The following PACRG variants were observed in gnomAD, a reference collection of about 807,000 sequenced individuals.
The protein encoded by PACRG is parkin coregulated.
A neutral mutation model predicts 29.7 loss-of-function variants in PACRG; 29 were observed. That is an observed-to-expected ratio of 0.98 (90% CI 0.73 to 1.33). The LOEUF (loss-of-function observed/expected upper bound fraction) is 1.33. Ranked by LOEUF, PACRG falls within the 40% of genes most tolerant of loss-of-function variation. PACRG has a pLI of 0.00. For missense variants in PACRG, 279 were observed against 316.2 expected (o/e 0.88, Z 0.89); for synonymous variants, 116 against 118.7 (o/e 0.98, Z 0.15).
chr6:162,890,865 T>C (rs1794702969), intron 2 of PACRG, among the ~76,000 whole-genome samples: 1 of 152,112 alleles, frequency 6.6e-6, no homozygotes, highest in African/African-American at 2.4e-5. Context: ...GAGCTTCAAG[T>C]CTCTGTGGCT....
intron 4 of PACRG, among the ~76,000 whole-genome samples, chr6:163,119,090 C>T (rs1269848698): frequency 3.3e-5 from 5 of 152,194 alleles, no homozygotes; most frequent in African/African-American, 1.2e-4. Context: ...AAAATACATC[C>T]ACAAGAGTCC....
chr6:162,943,666 C>T (rs1170765785), intron 2 of PACRG, among the ~76,000 whole-genome samples: 6 of 152,124 alleles, frequency 3.9e-5, no homozygotes, highest in African/African-American at 1.4e-4. Flanking sequence ...GGCTCCACCA[C>T]CTCCAGTGCC....
chr6:162,950,278 G>A (rs918818446), intron 2 of PACRG, among the ~76,000 whole-genome samples: 1 of 152,018 alleles, frequency 6.6e-6, no homozygotes, highest in Non-Finnish European at 1.5e-5. Flanking sequence ...CGGGTGGATC[G>A]TGAGGTCAGG....
At chr6:162,861,009 C>T (rs894552217) in intron 2 of PACRG, among the ~76,000 whole-genome samples, 3 of 152,152 alleles carry the variant, frequency 2.0e-5, no homozygotes, top group African/African-American at 7.2e-5. Flanking sequence ...AGGCCTCTTC[C>T]TGTAAATCAG....
At chr6:162,928,181 T>C (rs1401994913) in intron 2 of PACRG, among the ~76,000 whole-genome samples, 1 of 152,068 alleles carries the variant, frequency 6.6e-6, no homozygotes, top group Non-Finnish European at 1.5e-5. Flanking sequence ...TATTATGGCT[T>C]CAACCTCTTT....
chr6:163,250,255 A>G (rs1782850298), intron 4 of PACRG, among the ~76,000 whole-genome samples: 1 of 152,248 alleles, frequency 6.6e-6, no homozygotes, highest in Admixed American at 6.5e-5. Context: ...TTGAATTTGC[A>G]CCATAACCAT....
intron 4 of PACRG, among the ~76,000 whole-genome samples, chr6:163,184,093 A>C: frequency 6.6e-6 from 1 of 152,212 alleles, no homozygotes. Context: ...ATTGAACTTC[A>C]GCCAGTTGAA....
At chr6:163,139,332 G>T (rs1015092369) in intron 4 of PACRG, among the ~76,000 whole-genome samples, 4 of 151,850 alleles carry the variant, frequency 2.6e-5, no homozygotes, top group Non-Finnish European at 5.9e-5. Context: ...GGGTAAGCCA[G>T]GATCCTCTCC....
chr6:163,269,599 A>T (rs1051115963), intron 4 of PACRG, among the ~76,000 whole-genome samples: 3 of 151,686 alleles, frequency 2.0e-5, no homozygotes, highest in African/African-American at 4.9e-5. Flanking sequence ...TGAGCAAAAA[A>T]CTCAACTGTT....
chr6:163,068,482 C>CTTT lies in PACRG; in HGVS notation c.463+6172_463+6174dup, dbSNP rs1554350061. Among the ~76,000 whole-genome samples, 74 of 132,852 alleles carry CTTT rather than the reference C, an allele frequency of 5.6e-4. 1 individual carries two copies. Among genetic ancestry groups the CTTT allele is most frequent in the African/African-American group, 1.8e-3 (69 of 38,128 alleles). The allele number at this position is 132,852 out of a possible 152,430, so 87.2% of individuals were successfully genotyped here. On this transcript the variant is annotated intron_variant, in intron 3 of 4. Coordinates refer to ENST00000366888, the MANE Select transcript of PACRG (RefSeq NM_001080379.2). ...AATTTTATGTGGATATACTTTAATG[C>CTTT]TTTTTTTTTTTTTATCAATTTTCCC... is the stretch of plus-strand genomic sequence containing the variant.
intron 2 of PACRG, among the ~76,000 whole-genome samples, chr6:162,995,379 T>C (rs1803907318): frequency 1.3e-5 from 2 of 152,036 alleles, no homozygotes; most frequent in Admixed American, 1.3e-4. Context: ...ACTGCTGTGC[T>C]AGCAATCAGC....
chr6:162,760,579 G>A (rs1782271855), intron 1 of PACRG, among the ~76,000 whole-genome samples: 1 of 152,144 alleles, frequency 6.6e-6, no homozygotes, highest in Non-Finnish European at 1.5e-5. Flanking sequence ...GCCGATGGGG[G>A]TGTGTGATGG....
At chr6:163,252,950 T>C (rs1294978531) in intron 4 of PACRG, among the ~76,000 whole-genome samples, 1 of 152,206 alleles carries the variant, frequency 6.6e-6, no homozygotes, top group African/African-American at 2.4e-5. Flanking sequence ...TCTCCATTGC[T>C]GCTTTGACCT....
At chr6:162,894,072 C>CT (rs1266201250) in intron 2 of PACRG, among the ~76,000 whole-genome samples, 2 of 152,196 alleles carry the variant, frequency 1.3e-5, no homozygotes, top group Non-Finnish European at 2.9e-5. Context: ...TGCTGAGCTG[C>CT]TGTTGCTTGG....
chr6:162,769,390 A>G (rs971798907), intron 1 of PACRG, among the ~76,000 whole-genome samples: 1 of 141,656 alleles, frequency 7.1e-6, no homozygotes, highest in Non-Finnish European at 1.6e-5. Flanking sequence ...GGTGACAAAC[A>G]TTATTTCTAT....
intron 1 of PACRG, among the ~76,000 whole-genome samples, chr6:162,764,283 G>T (rs1286984285): frequency 6.6e-6 from 1 of 152,042 alleles, no homozygotes; most frequent in Middle Eastern, 3.4e-3. Context: ...ACAAAAAAAG[G>T]GGGGAGGGGG....
At chr6:163,141,785 G>T (rs1450275752) in intron 4 of PACRG, among the ~76,000 whole-genome samples, 3 of 152,126 alleles carry the variant, frequency 2.0e-5, no homozygotes, top group Non-Finnish European at 4.4e-5. Context: ...GCAGAAACAT[G>T]TAAAGTAAAA....
At position 162,754,749 on chromosome 6, in the gene PACRG, G is replaced by C. The variant is rs562819392; in HGVS notation, c.156+26358G>C. 5.3e-5 allele frequency among the ~76,000 whole-genome samples: 8 copies of C among 152,054 alleles called. No homozygotes were observed. The South Asian group carries it at 1.7e-3, about 32-fold the overall frequency. On this transcript the variant is annotated intron_variant, in intron 1 of 4. Coordinates refer to ENST00000366888, the MANE Select transcript of PACRG (RefSeq NM_001080379.2). ...GTATTTTCCCCATTGTGTGTTCTTG[G>C]TACCTATTTCAGAAATCAGTTCGCC...
intron 3 of PACRG, among the ~76,000 whole-genome samples, chr6:163,077,083 C>G (rs1812615238): frequency 6.6e-6 from 1 of 152,200 alleles, no homozygotes; most frequent in Non-Finnish European, 1.5e-5. Flanking sequence ...GGGCCTGCCA[C>G]TGTACTATAT....
Sources: allele counts gnomAD v4.1 joint callset (sites outside exome capture counted in the v4.1 genomes callset), GRCh38; gene constraint gnomAD v4.1.1; transcripts MANE v1.5; gene names NCBI Gene and HGNC (gene_info 2026-07-23, HGNC 2026-07-21).